LRP1B: variants seen among roughly 807,000 people sequenced by gnomAD.
LRP1B encodes LDL receptor related protein 1B.
Under a neutral mutation model 556.6 loss-of-function variants are expected in LRP1B, and 217 were observed. The ratio of observed to expected loss-of-function variants is 0.39; its 90% CI spans 0.35 to 0.44. The LOEUF (loss-of-function observed/expected upper bound fraction) is 0.44. Among genes scored for constraint, LRP1B ranks in the 20% least tolerant of loss-of-function variants. The probability of loss-of-function intolerance (pLI) is 1.00; values close to 1 mark genes in which losing one functional copy is unlikely to be tolerated. For missense variants in LRP1B, 5,053 were observed against 5,620.8 expected (o/e 0.90, Z 3.23); for synonymous variants, 2,047 against 1,865.8 (o/e 1.10, Z -2.50).
chr2:141,564,383 G>A (rs1686261213), intron 2 of LRP1B, among the ~76,000 whole-genome samples: 1 of 152,118 alleles, frequency 6.6e-6, no homozygotes, highest in Non-Finnish European at 1.5e-5. Flanking sequence ...GTTCATTGGA[G>A]AGTAAGCACG....
intron 1 of LRP1B, among the ~76,000 whole-genome samples, chr2:141,913,436 A>G (rs143817377): frequency 5.6e-4 from 85 of 152,274 alleles, no homozygotes; most frequent in African/African-American, 1.9e-3. Context: ...TCTCCATTAC[A>G]CTATGCGGCT....
intron 43 of LRP1B, among the ~76,000 whole-genome samples, chr2:140,580,222 A>T (rs1198217256): frequency 6.6e-6 from 1 of 152,242 alleles, no homozygotes; most frequent in Non-Finnish European, 1.5e-5. Context: ...GTAATATCTT[A>T]GACCAGTCAC....
chr2:140,385,264 T>TC (rs770574096), intron 67 of LRP1B, among the ~76,000 whole-genome samples: 24 of 152,080 alleles, frequency 1.6e-4, no homozygotes, highest in Non-Finnish European at 3.1e-4. Flanking sequence ...ATATATATAT[T>TC]CTGAAATAAA....
intron 2 of LRP1B, among the ~76,000 whole-genome samples, chr2:141,780,689 G>A (rs1695224921): frequency 6.6e-6 from 1 of 152,100 alleles, no homozygotes; most frequent in South Asian, 2.1e-4. Context: ...GGAAGCAACA[G>A]CATTCTTTAG....
chr2:142,120,353 C>A (rs1707417439), intron 1 of LRP1B, among the ~76,000 whole-genome samples: 1 of 152,184 alleles, frequency 6.6e-6, no homozygotes, highest in Admixed American at 6.5e-5. Context: ...TTCAGGTGAT[C>A]TGCCCACCTC....
intron 60 of LRP1B, among the ~76,000 whole-genome samples, chr2:140,463,742 G>C (rs182670286): frequency 1.4e-4 from 22 of 152,314 alleles, no homozygotes; most frequent in African/African-American, 5.3e-4. Context: ...AGGTCACAGT[G>C]CAGGAAGATC....
intron 84 of LRP1B, among the ~76,000 whole-genome samples, chr2:140,288,089 T>G (rs2104980362): frequency 6.6e-6 from 1 of 151,764 alleles, no homozygotes; most frequent in Non-Finnish European, 1.5e-5. Context: ...ATTATAAATC[T>G]TTCCTCCTTT....
At chr2:141,757,889 A>ATTAGTCAATTT (rs6146943) in intron 2 of LRP1B, among the ~76,000 whole-genome samples, 107,474 of 151,514 alleles carry the variant, frequency 0.71, 38,201 homozygotes, top group East Asian at 0.75. Flanking sequence ...CCCATAGCTT[A>ATTAGTCAATTT]TTAATTCAGC....
At chr2:141,574,185 G>A (rs1476684659) in intron 2 of LRP1B, among the ~76,000 whole-genome samples, 19 of 152,036 alleles carry the variant, frequency 1.2e-4, no homozygotes, top group Admixed American at 9.8e-4. Flanking sequence ...ACATCAATGC[G>A]AAAATCCTCA....
At chr2:141,195,286 G>C (rs550128921) in intron 6 of LRP1B, among the ~76,000 whole-genome samples, 2 of 152,090 alleles carry the variant, frequency 1.3e-5, no homozygotes, top group East Asian at 3.9e-4. Context: ...GCAGCCACAA[G>C]AGTGAGCCTG....
intron 60 of LRP1B, among the ~76,000 whole-genome samples, chr2:140,458,649 T>C (rs190027744): frequency 6.5e-4 from 99 of 152,218 alleles, no homozygotes; most frequent in Admixed American, 1.8e-3. Context: ...TATTTACTTC[T>C]TTCTTAATTA....
intron 3 of LRP1B, among the ~76,000 whole-genome samples, chr2:141,323,174 G>T (rs1687306072): frequency 6.6e-6 from 1 of 151,954 alleles, no homozygotes; most frequent in Non-Finnish European, 1.5e-5. Context: ...ATGAACCATT[G>T]ATACAGAAGA....
intron 3 of LRP1B, among the ~76,000 whole-genome samples, chr2:141,477,658 GTT>G (rs1268599989): frequency 6.6e-6 from 1 of 152,120 alleles, no homozygotes; most frequent in Non-Finnish European, 1.5e-5. Context: ...TCATTTCTGA[GTT>G]TATTTTCTCA....
chr2:141,968,782 AC>A (rs1701637530), intron 1 of LRP1B, among the ~76,000 whole-genome samples: 1 of 151,690 alleles, frequency 6.6e-6, no homozygotes, highest in Non-Finnish European at 1.5e-5. Flanking sequence ...GGTGTGCTAC[AC>A]AAGTTCACCC....
At chr2:141,498,304 A>G (rs4296374) in intron 2 of LRP1B, among the ~76,000 whole-genome samples, 84,129 of 151,174 alleles carry the variant, frequency 0.56, 23,805 homozygotes, top group African/African-American at 0.65. Context: ...ACCTTGTACT[A>G]TGTACAAAGT....
intron 2 of LRP1B, among the ~76,000 whole-genome samples, chr2:141,490,176 C>A (rs996430213): frequency 2.6e-5 from 4 of 152,070 alleles, no homozygotes; most frequent in Non-Finnish European, 5.9e-5. Context: ...TTGTTTGCAT[C>A]TAACATATAG....
chr2:141,851,093 T>C (rs1017739163), intron 1 of LRP1B, among the ~76,000 whole-genome samples: 15 of 133,508 alleles, frequency 1.1e-4, no homozygotes, highest in African/African-American at 4.3e-4. Context: ...GTGACTTGAA[T>C]TCCCTTGTTC....
intron 25 of LRP1B, among the ~76,000 whole-genome samples, chr2:140,883,001 C>T (rs572423733): frequency 6.6e-6 from 1 of 152,170 alleles, no homozygotes; most frequent in Non-Finnish European, 1.5e-5. Flanking sequence ...AGCATTCTCA[C>T]CTATCAGTTG....
intron 3 of LRP1B, 130 bp downstream of exon 3, chr2:141,480,266 A>G: frequency 2.9e-6 from 3 of 1,047,514 alleles, no homozygotes; most frequent in Non-Finnish European, 4.3e-6. Context: ...GTCTGGCAGT[A>G]AAATTCATGC....
Sources: gnomAD v4.1 joint callset for allele counts (sites outside exome capture counted in the v4.1 genomes callset) on GRCh38, gnomAD v4.1.1 for gene constraint, MANE v1.5 for transcripts, NCBI Gene and HGNC (gene_info 2026-07-23, HGNC 2026-07-21) for gene names.